The following ZBTB20 variants were observed in gnomAD, a reference collection of about 807,000 sequenced individuals.
The protein encoded by ZBTB20 is zinc finger and BTB domain containing 20.
Under a neutral mutation model 56.9 loss-of-function variants are expected in ZBTB20, and 9 were observed. That is an observed-to-expected ratio of 0.16 (90% CI 0.10 to 0.28). The LOEUF (loss-of-function observed/expected upper bound fraction) is 0.28, where lower values mean the gene tolerates loss of function less well. ZBTB20 is among the 10% of genes least tolerant of loss of function. The pLI, the probability that ZBTB20 is intolerant of heterozygous loss-of-function variation, is 1.00. For missense variants in ZBTB20, 655 were observed against 1,003.0 expected (o/e 0.65, Z 4.69); for synonymous variants, 417 against 420.7 (o/e 0.99, Z 0.11).
chr3:114,402,343 C>T (rs2086897729), intron 7 of ZBTB20, among the ~76,000 whole-genome samples: 2 of 151,682 alleles, frequency 1.3e-5, no homozygotes, highest in South Asian at 2.1e-4. Context: ...AATCCATAAA[C>T]AAAGGAGTAT....
chr3:115,076,545 T>G (rs757052859), intron 1 of ZBTB20, among the ~76,000 whole-genome samples: 2 of 151,942 alleles, frequency 1.3e-5, no homozygotes, highest in Non-Finnish European at 2.9e-5. Flanking sequence ...AAAAATAAAC[T>G]CAACATCGAT....
At chr3:114,449,068 G>A (rs2091443603) in intron 7 of ZBTB20, among the ~76,000 whole-genome samples, 1 of 151,938 alleles carries the variant, frequency 6.6e-6, no homozygotes, top group Non-Finnish European at 1.5e-5. Context: ...AACCTGGCAG[G>A]TTTCTTTCTT....
At chr3:114,820,514 A>G (rs2073178135) in intron 4 of ZBTB20, among the ~76,000 whole-genome samples, 1 of 152,066 alleles carries the variant, frequency 6.6e-6, no homozygotes, top group Non-Finnish European at 1.5e-5. Flanking sequence ...TTCGTTATAT[A>G]TATTTTCTAT....
At position 114,856,514 on chromosome 3, in the gene ZBTB20, T is replaced by C. The variant is rs150958843; in HGVS notation, c.-417+43790A>G. Among the ~76,000 whole-genome samples, 366 of 152,278 alleles carry C rather than the reference T, an allele frequency of 2.4e-3. 1 individual carries two copies. The highest frequency in any genetic ancestry group is 8.4e-3 in the African/African-American group (347 of 41,552). On this transcript the variant is annotated intron_variant, in intron 4 of 11. Coordinates refer to ENST00000675478, the MANE Select transcript of ZBTB20 (RefSeq NM_001348800.3). ...TAATGATAATCCACCATGTGGAATG[T>C]TATCTGATGATGTATTTATCAAAAA...
intron 1 of ZBTB20, among the ~76,000 whole-genome samples, chr3:115,125,294 GA>G (rs2084296110): frequency 6.6e-6 from 1 of 151,428 alleles, no homozygotes; most frequent in Non-Finnish European, 1.5e-5. Flanking sequence ...AGTGAACCAT[GA>G]TTGTGTCACT....
chr3:114,573,542 A>C (rs2053672980), intron 6 of ZBTB20, among the ~76,000 whole-genome samples: 1 of 151,382 alleles, frequency 6.6e-6, no homozygotes, highest in African/African-American at 2.4e-5. Context: ...AAAGAGAGAA[A>C]GGGAAAAGAA....
intron 5 of ZBTB20, among the ~76,000 whole-genome samples, chr3:114,739,610 G>A (rs1472165498): frequency 6.6e-6 from 1 of 152,130 alleles, no homozygotes; most frequent in Non-Finnish European, 1.5e-5. Flanking sequence ...TTTTAAGCTT[G>A]AGCATTATGA....
In ZBTB20 at chr3:114,339,174, G is replaced by C. The variant is rs1439784643; in HGVS notation, c.2057C>G (p.Ala686Gly). 17 of 1,614,086 alleles carry C rather than the reference G, an allele frequency of 1.1e-5. No individual in the cohort carries two copies. Among genetic ancestry groups the C allele is most frequent in the Non-Finnish European group, 1.3e-5 (15 of 1,180,008 alleles). The change falls in exon 12 of 12, where the codon GCC (alanine) becomes GGC (glycine). Residue 686 changes from alanine to glycine, a missense_variant. Transcript: ENST00000675478. The surrounding 1 kb of genome is among the most constrained non-coding windows in gnomAD (Gnocchi z 4.2). ...LLERHVALHSASNGTPPAGTP... is the reference protein window; with the variant it reads ...LLERHVALHSGSNGTPPAGTP... The stretch of plus-strand genomic sequence containing the variant: ...GCCTGCAGGGGGGGTCCCATTGCTG[G>C]CACTGTGCAGGGCCACGTGTCGCTC...
At chr3:115,120,562 A>G (rs1286519378) in intron 1 of ZBTB20, among the ~76,000 whole-genome samples, 2 of 152,132 alleles carry the variant, frequency 1.3e-5, no homozygotes, top group African/African-American at 2.4e-5. Context: ...TGTAAGCCAG[A>G]CGGGGGCAAA....
At chr3:114,808,057 G>C (rs1340179506) in intron 4 of ZBTB20, among the ~76,000 whole-genome samples, 2 of 152,000 alleles carry the variant, frequency 1.3e-5, no homozygotes, top group African/African-American at 4.8e-5. Flanking sequence ...GTGAAATACT[G>C]GTATTGGATA....
intron 4 of ZBTB20, among the ~76,000 whole-genome samples, chr3:114,853,754 G>C (rs964767529): frequency 6.6e-6 from 1 of 152,154 alleles, no homozygotes; most frequent in Non-Finnish European, 1.5e-5. Flanking sequence ...TTTGATTGTA[G>C]AATGACAAAT....
At position 114,597,053 on chromosome 3, in the gene ZBTB20, T is replaced by C. The variant is rs566770740; in HGVS notation, c.-295+96475A>G. On this transcript the variant is annotated intron_variant, in intron 6 of 11. Coordinates refer to ENST00000675478, the MANE Select transcript of ZBTB20 (RefSeq NM_001348800.3). Reference sequence around the variant, plus strand: ...AAAGCAAATTAAAAAAATATATATATATATAAAGGCCCACAGGCACAGATA... The same window carrying C: ...AAAGCAAATTAAAAAAATATATATACATATAAAGGCCCACAGGCACAGATA... Among the ~76,000 whole-genome samples, 3 of 150,458 alleles carry C rather than the reference T, an allele frequency of 2.0e-5. No homozygotes were observed. In the South Asian group the frequency reaches 6.3e-4, roughly 31 times the overall value.
At chr3:114,866,642 G>T (rs1315817764) in intron 4 of ZBTB20, among the ~76,000 whole-genome samples, 2 of 152,122 alleles carry the variant, frequency 1.3e-5, no homozygotes, top group Non-Finnish European at 2.9e-5. Flanking sequence ...GGCTGGAACA[G>T]AACAAAAAGG....
chr3:114,530,715 C>T (rs2047748924), intron 6 of ZBTB20, among the ~76,000 whole-genome samples: 1 of 152,184 alleles, frequency 6.6e-6, no homozygotes, highest in Admixed American at 6.5e-5. Flanking sequence ...TCAAAATGAT[C>T]ATCGCCCTTT....
intron 6 of ZBTB20, among the ~76,000 whole-genome samples, chr3:114,601,932 A>G (rs1455966560): frequency 6.6e-6 from 1 of 152,000 alleles, no homozygotes; most frequent in East Asian, 1.9e-4. Context: ...TCTAGGTTTG[A>G]GGAAAGCACA....
intron 4 of ZBTB20, among the ~76,000 whole-genome samples, chr3:114,862,985 T>C (rs1387996600): frequency 2.0e-5 from 3 of 152,158 alleles, no homozygotes; most frequent in Non-Finnish European, 4.4e-5. Flanking sequence ...AAGGTCCTTA[T>C]TTCAGAACTT....
chr3:114,876,627 G>T (rs972395300), intron 4 of ZBTB20: 8 of 152,064 alleles, frequency 5.3e-5, no homozygotes, highest in Admixed American at 4.6e-4. Flanking sequence ...TCTCATTTGT[G>T]TTTCTGTGGA....
At chr3:114,666,648 T>C (rs573790807) in intron 6 of ZBTB20, among the ~76,000 whole-genome samples, 2 of 152,080 alleles carry the variant, frequency 1.3e-5, no homozygotes, top group African/African-American at 4.8e-5. Context: ...ATGCTAGGGA[T>C]TGGTAAGTTG....
At chr3:114,381,158 A>C (rs756071410) in intron 8 of ZBTB20, among the ~76,000 whole-genome samples, 1 of 152,186 alleles carries the variant, frequency 6.6e-6, no homozygotes, top group Non-Finnish European at 1.5e-5. Context: ...AGTGAAAAGA[A>C]GAGCTTAGAT....
Sources: allele counts gnomAD v4.1 joint callset (sites outside exome capture counted in the v4.1 genomes callset), GRCh38; gene constraint gnomAD v4.1.1; non-coding constraint Gnocchi (gnomAD v3.1); transcripts MANE v1.5; gene names NCBI Gene and HGNC (gene_info 2026-07-23, HGNC 2026-07-21).